Variants in ABCC9 observed in about 807,000 individuals in gnomAD.
ABCC9 encodes the protein ATP-binding cassette sub-family C member 9.
ABCC9 carries 95 observed loss-of-function variants against 188.3 expected under a neutral mutation model. That is an observed-to-expected ratio of 0.50 (90% CI 0.43 to 0.60). The LOEUF is 0.60. Ranked by LOEUF, ABCC9 falls within the 20% of genes least tolerant of loss-of-function variation. The pLI, the probability that ABCC9 is intolerant of heterozygous loss-of-function variation, is 0.00. For synonymous variants in ABCC9, 659 were observed against 652.7 expected (o/e 1.01, Z -0.15); for missense variants, 1,102 against 1,876.3 (o/e 0.59, Z 7.62).
At chr12:21,839,733 C>T (rs1283172826) in intron 29 of ABCC9, among the ~76,000 whole-genome samples, 2 of 152,104 alleles carry the variant, frequency 1.3e-5, no homozygotes, top group Non-Finnish European at 2.9e-5. Context: ...GTCAACTGAA[C>T]GGATGAACAT....
At chr12:21,927,182 T>C (rs1949075954) in intron 4 of ABCC9, among the ~76,000 whole-genome samples, 1 of 152,208 alleles carries the variant, frequency 6.6e-6, no homozygotes, top group Non-Finnish European at 1.5e-5. Context: ...TTAATATTCT[T>C]GAAACAGAAA....
intron 31 of ABCC9, among the ~76,000 whole-genome samples, chr12:21,820,171 C>T (rs991312948): frequency 1.3e-5 from 2 of 151,948 alleles, no homozygotes; most frequent in Admixed American, 6.6e-5. Context: ...CTAAAAGTCT[C>T]ATAGAGTTTC....
intron 8 of ABCC9, among the ~76,000 whole-genome samples, chr12:21,912,668 T>C (rs996953892): frequency 6.6e-6 from 1 of 152,240 alleles, no homozygotes; most frequent in South Asian, 2.1e-4. Context: ...ATAATTTTGG[T>C]GGCCAGATTC....
chr12:21,809,746 AG>A lies in ABCC9; in HGVS notation c.4315+105del, dbSNP rs909577914. On this transcript the variant is annotated intron_variant, in intron 37 of 39. Transcript: ENST00000261200. ...CTTTTAGGATATTATTTTAAATATA[AG>A]GGGATTTAACACTAAAGTTATGTGA... is the stretch of plus-strand genomic sequence containing the variant. 9.8e-6 allele frequency: 7 copies of A among 712,100 alleles called. No individual in the cohort carries two copies. In the African/African-American group the frequency reaches 1.1e-4, roughly 11 times the overall value. 44.1% of individuals were successfully genotyped at this position (712,100 alleles called of 1,614,324 possible). A position where few individuals can be genotyped will look rare whatever the true frequency, so the allele number is the denominator to read the frequency against.
At chr12:21,814,588 G>T in intron 35 of ABCC9, 56 bp downstream of exon 35, 1 of 1,438,380 alleles carries the variant, frequency 7.0e-7, no homozygotes. Flanking sequence ...GTAAATTGAT[G>T]TTTTTTTAAA....
intron 29 of ABCC9, among the ~76,000 whole-genome samples, chr12:21,839,282 CAA>C (rs1355619589): frequency 9.2e-5 from 14 of 152,288 alleles, no homozygotes; most frequent in African/African-American, 3.1e-4. Flanking sequence ...ACAGGGTAAA[CAA>C]GAGTCACATA....
chr12:21,822,894 T>C (rs1321159582), intron 31 of ABCC9, among the ~76,000 whole-genome samples: 4 of 151,474 alleles, frequency 2.6e-5, no homozygotes, highest in African/African-American at 9.7e-5. Context: ...TACGGTTACA[T>C]CTTTCCATTC....
At chr12:21,880,828 G>A (rs1250709881) in intron 16 of ABCC9, among the ~76,000 whole-genome samples, 1 of 152,014 alleles carries the variant, frequency 6.6e-6, no homozygotes, top group African/African-American at 2.4e-5. Flanking sequence ...GGAAGGTTGA[G>A]GATGCACATA....
chr12:21,896,173 A>G (rs966817225), intron 12 of ABCC9, among the ~76,000 whole-genome samples: 3 of 144,432 alleles, frequency 2.1e-5, no homozygotes, highest in Non-Finnish European at 4.5e-5. Context: ...TTACATATGT[A>G]TACATGTGCC....
At chr12:21,894,938 G>C (rs556101855) in intron 13 of ABCC9, among the ~76,000 whole-genome samples, 4 of 152,142 alleles carry the variant, frequency 2.6e-5, no homozygotes, top group Non-Finnish European at 5.9e-5. Context: ...CCCAACCGCT[G>C]TTCATTTTGC....
Position 21,856,919 on chromosome 12 carries a change from C to G in ABCC9, c.2505+2667G>C, listed in dbSNP as rs532370118. The stretch of plus-strand genomic sequence containing the variant: ...CATTTCTAGCACAAACTCTGTCATT[C>G]ACTAGACATCAGTCCTTGGATAAGT... On this transcript the variant is annotated intron_variant, in intron 22 of 39. Transcript: ENST00000261200. Among the ~76,000 whole-genome samples, 26 of 152,322 alleles carry G rather than the reference C, an allele frequency of 1.7e-4. No individual in the cohort carries two copies. In the East Asian group the frequency reaches 4.2e-3, roughly 25 times the overall value.
intron 23 of ABCC9, 34 bp from the exon 24 acceptor site, chr12:21,852,256 A>G: frequency 1.2e-6 from 2 of 1,613,760 alleles, no homozygotes; most frequent in Non-Finnish European, 1.7e-6. Flanking sequence ...AAATGTGACG[A>G]AAAGCCTTGA....
At chr12:21,830,390 G>A (rs1218048195) in intron 30 of ABCC9, among the ~76,000 whole-genome samples, 2 of 152,158 alleles carry the variant, frequency 1.3e-5, no homozygotes, top group East Asian at 1.9e-4. Flanking sequence ...ACTCTCTGCA[G>A]CCACGGCTTG....
At position 21,862,981 on chromosome 12, in the gene ABCC9, T is replaced by C; in HGVS notation, c.2311A>G (p.Thr771Ala). Residue 771 changes from threonine (T) to alanine (A), a missense_variant, in exon 20 of 40, where the codon ACT becomes GCT. Physicochemically the swap from Thr to Ala is moderately conservative, Grantham distance 58. This residue lies in a region of ABCC9 where 258 missense variants were observed against 325.6 expected (regional missense o/e 0.79). Transcript: ENST00000261200. ...TGTTTGTTAAAAGGACTTCCAAAAGTAATATTTTCTTCTACTGTAGCATTT... is the reference window on the plus strand; with the variant it reads ...TGTTTGTTAAAAGGACTTCCAAAAGCAATATTTTCTTCTACTGTAGCATTT... ...LLNATVEENITFGSPFNKQRY... is the reference protein window; with the variant it reads ...LLNATVEENIAFGSPFNKQRY... 1 of 1,612,138 alleles carries C rather than the reference T, an allele frequency of 6.2e-7. No individual in the cohort carries two copies. Among genetic ancestry groups the C allele is most frequent in the South Asian group, 1.1e-5 (1 of 91,038 alleles).
intron 34 of ABCC9, among the ~76,000 whole-genome samples, chr12:21,815,286 GTTT>G (rs201636994): frequency 3.2e-4 from 42 of 132,330 alleles, no homozygotes; most frequent in African/African-American, 9.5e-4. Context: ...TTTCTTCATG[GTTT>G]TTTTTTTTTT....
At chr12:21,870,711 A>C (rs568885117) in intron 18 of ABCC9, among the ~76,000 whole-genome samples, 2 of 152,296 alleles carry the variant, frequency 1.3e-5, no homozygotes, top group African/African-American at 4.8e-5. Context: ...CAGTACATGC[A>C]TTTCTGTCTA....
chr12:21,896,352 C>T lies in ABCC9; in HGVS notation c.1619-1037G>A, dbSNP rs557212482. Reference sequence around the variant, plus strand: ...AAACATAGACTCTTGTACAGTACCGCGAATCCAAACACTGATCTGAGTTTT... The same window carrying T: ...AAACATAGACTCTTGTACAGTACCGTGAATCCAAACACTGATCTGAGTTTT... On this transcript the variant is annotated intron_variant, in intron 12 of 39. Transcript: ENST00000261200. 5.3e-5 allele frequency among the ~76,000 whole-genome samples: 8 copies of T among 152,190 alleles called. No homozygotes were observed. In the South Asian group the frequency reaches 1.5e-3, roughly 28 times the overall value.
chr12:21,916,470 G>C (rs1009394338), intron 6 of ABCC9, among the ~76,000 whole-genome samples: 1 of 152,130 alleles, frequency 6.6e-6, no homozygotes, highest in Admixed American at 6.5e-5. Flanking sequence ...TTACAAACCA[G>C]GTGTGTGTCT....
rs7980030 is a variant in ABCC9, at chr12:21,816,042, T to G, written c.3893-149A>C. On this transcript the variant is annotated intron_variant, in intron 33 of 39. Coordinates refer to ENST00000261200, the MANE Select transcript of ABCC9 (RefSeq NM_020297.4). ...TGAACCAAACTATGTGGCAGTTTTT[T>G]TTTTTTTTTTTTTTTTTTTTTTTTT... The G allele has an allele frequency of 0.17, 5,255 of 30,330 alleles. 132 individuals are homozygous for G. Among genetic ancestry groups the G allele is most frequent in the South Asian group, 0.35 (504 of 1,448 alleles). The allele number at this position is 30,330 out of a possible 1,614,324, so 1.9% of individuals were successfully genotyped here. A position where few individuals can be genotyped will look rare whatever the true frequency, so the allele number is the denominator to read the frequency against.
Sources: gnomAD v4.1 joint callset for allele counts (sites outside exome capture counted in the v4.1 genomes callset) on GRCh38, gnomAD v4.1.1 for gene constraint, gnomAD v4.1.1 regional missense constraint, MANE v1.5 for transcripts, NCBI Gene and HGNC (gene_info 2026-07-23, HGNC 2026-07-21) for gene names.